The following CAPN13 variants were observed in gnomAD, a reference collection of about 807,000 sequenced individuals.
The protein encoded by CAPN13 is calpain 13, also known as calpain-13.
A neutral mutation model predicts 98.4 loss-of-function variants in CAPN13; 90 were observed. The observed-to-expected ratio is 0.92, with a 90% CI of 0.77 to 1.09. The LOEUF (loss-of-function observed/expected upper bound fraction) is 1.09, where lower values mean the gene tolerates loss of function less well. Ranked by LOEUF, CAPN13 falls within the 50% of genes least tolerant of loss-of-function variation. The probability of loss-of-function intolerance (pLI) is 0.00; values close to 1 mark genes in which losing one functional copy is unlikely to be tolerated. For synonymous variants in CAPN13, 330 were observed against 305.5 expected (o/e 1.08, Z -0.84); for missense variants, 887 against 841.3 (o/e 1.05, Z -0.67).
intron 15 of CAPN13, 39 bp from the exon 16 acceptor site, chr2:30,738,496 T>C: frequency 1.3e-6 from 2 of 1,567,428 alleles, no homozygotes; most frequent in Admixed American, 1.9e-5. Context: ...ATTATATCAG[T>C]GCCAGGATCT....
intron 14 of CAPN13, 84 bp from the exon 15 acceptor site, chr2:30,742,048 G>T: frequency 1.6e-6 from 2 of 1,256,082 alleles, no homozygotes; most frequent in Non-Finnish European, 2.3e-6. Context: ...AACAACCCCT[G>T]CCAAGATCTG....
intron 1 of CAPN13, among the ~76,000 whole-genome samples, chr2:30,800,132 G>GAAAAGAAAGAAAAGAAAGAAAAGAAAGA (rs1279341369): frequency 4.3e-5 from 6 of 138,680 alleles, no homozygotes; most frequent in African/African-American, 1.4e-4. Flanking sequence ...AAGAAAGAAA[G>GAAAAGAAAGAAAAGAAAGAAAAGAAAGA]AAAGAAAGAA....
At chr2:30,741,869 C>T in intron 15 of CAPN13, 39 bp downstream of exon 15, 1 of 1,613,702 alleles carries the variant, frequency 6.2e-7, no homozygotes, top group Non-Finnish European at 8.5e-7. Context: ...TCCCCTTTCT[C>T]CAATCCCACG....
chr2:30,732,300 G>T, intron 20 of CAPN13, 138 bp downstream of exon 20: 5 of 992,016 alleles, frequency 5.0e-6, no homozygotes, highest in Non-Finnish European at 7.4e-6. Flanking sequence ...AGCCTCGGTT[G>T]GCACCTCACA....
In CAPN13 at chr2:30,731,422, TTGAC is replaced by T. The variant is rs550270056; in HGVS notation, c.1928-27_1928-24del. 1.3e-4 allele frequency: 214 copies of T among 1,601,342 alleles called. No individual in the cohort carries two copies. In the African/African-American group the frequency reaches 2.7e-3, roughly 20 times the overall value. On this transcript the variant is annotated intron_variant, in intron 20 of 22. Transcript: ENST00000295055. ...TCTCTAGGATAAAGAAGGGAAGGTT[TTGAC>T]TGACTGAGGAGGAAGGAATCCAGGC...
chr2:30,763,685 T>C (rs1672959318), intron 6 of CAPN13, among the ~76,000 whole-genome samples: 1 of 152,244 alleles, frequency 6.6e-6, no homozygotes, highest in Non-Finnish European at 1.5e-5. Flanking sequence ...TGGGTCATGC[T>C]GCCCTTGGGT....
intron 1 of CAPN13, among the ~76,000 whole-genome samples, chr2:30,794,962 G>A (rs1011270518): frequency 2.7e-4 from 41 of 152,056 alleles, no homozygotes; most frequent in African/African-American, 9.1e-4. Flanking sequence ...GATTTCACAT[G>A]TGTATACACA....
At chr2:30,788,364 A>T (rs1674432301) in intron 1 of CAPN13, among the ~76,000 whole-genome samples, 1 of 152,194 alleles carries the variant, frequency 6.6e-6, no homozygotes, top group Admixed American at 6.5e-5. Flanking sequence ...CCTTGAGTTG[A>T]CAAGGAAGGC....
intron 1 of CAPN13, among the ~76,000 whole-genome samples, chr2:30,796,202 A>G (rs1475409877): frequency 4.5e-5 from 5 of 110,618 alleles, no homozygotes; most frequent in Non-Finnish European, 8.5e-5. Context: ...ATGTGTGTGT[A>G]TATATATATA....
chr2:30,791,090 C>G (rs1674585570), intron 1 of CAPN13, among the ~76,000 whole-genome samples: 2 of 152,196 alleles, frequency 1.3e-5, no homozygotes, highest in Admixed American at 1.3e-4. Flanking sequence ...CTAGCCTGAT[C>G]CAACAACTCT....
chr2:30,753,247 A>G (rs780354816), intron 9 of CAPN13, 49 bp from the exon 10 acceptor site: 1 of 1,601,410 alleles, frequency 6.2e-7, no homozygotes, highest in East Asian at 2.2e-5. Flanking sequence ...TTGTGTCCCC[A>G]GGGTGGGGGT....
At position 30,741,586 on chromosome 2, in the gene CAPN13, G is replaced by C; in HGVS notation, c.1536+322C>G. 3 of 1,097,656 alleles carry C rather than the reference G, an allele frequency of 2.7e-6. No homozygotes were observed. In the South Asian group the frequency reaches 9.8e-5, roughly 36 times the overall value. The allele number at this position is 1,097,656 out of a possible 1,614,324, so 68.0% of individuals were successfully genotyped here. On this transcript the variant is annotated intron_variant, in intron 15 of 22. Coordinates refer to ENST00000295055, the MANE Select transcript of CAPN13 (RefSeq NM_144575.3). ...GTGGGAGGTGGCCGAGTAGGAGAAG[G>C]AAAGGTTTCACGGGGTACTGCCAAT...
intron 4 of CAPN13, 63 bp from the exon 5 acceptor site, chr2:30,770,512 C>A: frequency 6.4e-7 from 1 of 1,571,802 alleles, no homozygotes; most frequent in Non-Finnish European, 8.6e-7. Flanking sequence ...CTGGGTCCCC[C>A]AACCTAAGCC....
chr2:30,758,394 C>T (rs989358090), intron 7 of CAPN13, among the ~76,000 whole-genome samples: 3 of 152,212 alleles, frequency 2.0e-5, no homozygotes, highest in African/African-American at 7.2e-5. Flanking sequence ...TTCATCATTC[C>T]CTAAGACTGA....
intron 5 of CAPN13, among the ~76,000 whole-genome samples, chr2:30,769,328 C>T (rs1300358523): frequency 6.6e-6 from 1 of 152,122 alleles, no homozygotes; most frequent in African/African-American, 2.4e-5. Context: ...ACACTCCCTC[C>T]CGTGCTGTTG....
chr2:30,759,564 C>T (rs1246116097), intron 7 of CAPN13, among the ~76,000 whole-genome samples: 1 of 152,202 alleles, frequency 6.6e-6, no homozygotes. Context: ...AGGAGAAGGA[C>T]AAGTCTGAAT....
At position 30,763,165 on chromosome 2, in the gene CAPN13, C is replaced by T. The variant is rs376947787; in HGVS notation, c.700-9G>A. The T allele has an allele frequency of 1.9e-6, 3 of 1,608,320 alleles. No homozygotes were observed. Among genetic ancestry groups the T allele is most frequent in the Non-Finnish European group, 2.5e-6 (3 of 1,176,950 alleles). On this transcript the variant is annotated splice_polypyrimidine_tract_variant and intron_variant, in intron 6 of 22. Coordinates refer to ENST00000295055, the MANE Select transcript of CAPN13 (RefSeq NM_144575.3). ...TGTGCTGTATCTGTTGGCTTCAAGG[C>T]AGAAAAGCAGATCAAACATTAGACA... is the stretch of plus-strand genomic sequence containing the variant.
Position 30,770,370 on chromosome 2 carries a change from C to T in CAPN13, c.467G>A (p.Arg156His), listed in dbSNP as rs376824805. The T allele has an allele frequency of 6.7e-5, 108 of 1,613,864 alleles. No individual in the cohort carries two copies. The highest frequency in any genetic ancestry group is 8.3e-5 in the Admixed American group (5 of 60,012). The change falls in exon 5 of 23, where the codon CGT (arginine) becomes CAT (histidine). Residue 156 changes from arginine (R) to histidine (H), a missense_variant. Arg to His is a conservative substitution (Grantham distance 29, BLOSUM62 0). Transcript: ENST00000295055. ...GAACTCTTGGTTTTGGTGGCGAGGACGCACAAAGAGGCATTTATCTCCCTG... is the reference window on the plus strand; with the variant it reads ...GAACTCTTGGTTTTGGTGGCGAGGATGCACAAAGAGGCATTTATCTCCCTG... Reference protein sequence around the residue: ...PVQGDKCLFVRPRHQNQEFWP... With the variant: ...PVQGDKCLFVHPRHQNQEFWP...
chr2:30,766,433 C>G (rs1360332240), intron 5 of CAPN13, among the ~76,000 whole-genome samples: 2 of 152,260 alleles, frequency 1.3e-5, no homozygotes, highest in Non-Finnish European at 2.9e-5. Flanking sequence ...CCTGTCCCAG[C>G]AGCAGCTGGG....
Sources: allele counts gnomAD v4.1 joint callset (sites outside exome capture counted in the v4.1 genomes callset), GRCh38; gene constraint gnomAD v4.1.1; transcripts MANE v1.5; gene names NCBI Gene and HGNC (gene_info 2026-07-23, HGNC 2026-07-21).